Variants in ADGRE5 observed in about 807,000 individuals in gnomAD.
ADGRE5 encodes the protein CD97 molecule.
Under a neutral mutation model 100.3 loss-of-function variants are expected in ADGRE5, and 72 were observed. The observed-to-expected ratio is 0.72, with a 90% CI of 0.59 to 0.87. The LOEUF is 0.87. Among genes scored for constraint, ADGRE5 ranks in the 40% least tolerant of loss-of-function variants. The pLI, the probability that ADGRE5 is intolerant of heterozygous loss-of-function variation, is 0.00. For missense variants in ADGRE5, 959 were observed against 1,094.7 expected (o/e 0.88, Z 1.75); for synonymous variants, 439 against 447.8 (o/e 0.98, Z 0.25).
rs772418563 is a variant in ADGRE5 at position 14,404,466 on chromosome 19, G to A, written c.1533G>A (p.Glu511=). ...DSDRGGHWAT[E]GCQVLGSKNG... is the part of the protein sequence containing the mutation. ...ACAGGGGAGGGCACTGGGCCACCGA[G>A]GGCTGCCAGGTGCTGGGCAGCAAGA... The change falls in exon 13 of 20, where the codon GAG becomes GAA. Residue 511 remains glutamate (E), a synonymous_variant. Coordinates refer to ENST00000242786, the MANE Select transcript of ADGRE5 (RefSeq NM_078481.4). 6.2e-7 allele frequency: 1 copy of A among 1,612,474 alleles called. No individual in the cohort carries two copies. Among genetic ancestry groups the A allele is most frequent in the Non-Finnish European group, 8.5e-7 (1 of 1,179,692 alleles).
rs554452020 is a variant in ADGRE5 at position 14,399,651 on chromosome 19, G to A, written c.897+1512G>A. On this transcript the variant is annotated intron_variant, in intron 9 of 19. Coordinates refer to ENST00000242786, the MANE Select transcript of ADGRE5 (RefSeq NM_078481.4). ...TCAGCTACTCAGGAGGCTGAGGCAGGAGATTCACTTGAACCCGGAGGCAGA... is the reference window on the plus strand; with the variant it reads ...TCAGCTACTCAGGAGGCTGAGGCAGAAGATTCACTTGAACCCGGAGGCAGA... Among the ~76,000 whole-genome samples, 450 of 151,018 alleles carry A rather than the reference G, an allele frequency of 3.0e-3. 5 individuals carry two copies. Among genetic ancestry groups the A allele is most frequent in the African/African-American group, 0.01 (412 of 41,152 alleles).
chr19:14,406,914 A>T lies in ADGRE5; in HGVS notation c.2161A>T (p.Lys721Ter). 6.2e-7 allele frequency: 1 copy of T among 1,614,154 alleles called. No homozygotes were observed. Residue 721 changes from lysine to a stop codon, truncating the protein, a stop_gained, in exon 17 of 20, where the codon AAG (lysine) becomes TAG (stop). Coordinates refer to ENST00000242786, the MANE Select transcript of ADGRE5 (RefSeq NM_078481.4). LOFTEE classifies it high-confidence loss of function. This position sits in a 1 kb window ranked among gnomAD's most constrained non-coding sequence, Gnocchi z 6.0. ...FVTTVWKLTQKFSEINPDMKK... is the reference protein window; with the variant it reads ...FVTTVWKLTQ ...GACTACCGTCTGGAAGCTCACTCAG[A>T]AGTTTTCTGAAATCAATCCAGACAT...
chr19:14,396,999 A>G (rs1975803789), intron 5 of ADGRE5, 78 bp from the exon 6 acceptor site: 1 of 1,441,098 alleles, frequency 6.9e-7, no homozygotes, highest in African/African-American at 1.4e-5. Context: ...ATGAAAAGAT[A>G]GGGGAGTGGG....
At chr19:14,387,435 G>A (rs114698530) in intron 1 of ADGRE5, among the ~76,000 whole-genome samples, 1,960 of 152,184 alleles carry the variant, frequency 0.013, 46 homozygotes, top group African/African-American at 0.045. Context: ...ATAATTTTTT[G>A]AATTATTTTT....
chr19:14,408,017 G>T lies in ADGRE5; in HGVS notation c.2478+8G>T, dbSNP rs1976352720. ...GGCCACAATCAGACCCGGGTAAGGG[G>T]CTGCGCCTGGGGCGGGTGTGGGCAG... On this transcript the variant is annotated splice_region_variant and intron_variant, in intron 19 of 19. Coordinates refer to ENST00000242786, the MANE Select transcript of ADGRE5 (RefSeq NM_078481.4). 7 of 1,614,118 alleles carry T rather than the reference G, an allele frequency of 4.3e-6. No homozygotes were observed. The highest frequency in any genetic ancestry group is 5.9e-6 in the Non-Finnish European group (7 of 1,179,964).
intron 4 of ADGRE5, among the ~76,000 whole-genome samples, chr19:14,393,479 C>T (rs981018313): frequency 6.6e-6 from 1 of 152,198 alleles, no homozygotes; most frequent in African/African-American, 2.4e-5. Context: ...GAGGGGCTTC[C>T]AGGATTCACA....
At chr19:14,396,610 T>A in intron 5 of ADGRE5, 137 bp downstream of exon 5, 12 of 1,384,062 alleles carry the variant, frequency 8.7e-6, no homozygotes, top group Non-Finnish European at 1.2e-5. Context: ...AGCCCCTGCC[T>A]AAGGATTCAC....
intron 13 of ADGRE5, 52 bp from the exon 14 acceptor site, chr19:14,405,696 C>A: frequency 7.3e-7 from 1 of 1,373,818 alleles, no homozygotes; most frequent in African/African-American, 1.4e-5. Flanking sequence ...ACAAAGAGGG[C>A]AGGAAGGCCT....
chr19:14,387,440 AT>A lies in ADGRE5; in HGVS notation c.23-1005del, dbSNP rs1283366405. Among the ~76,000 whole-genome samples, 6 of 152,144 alleles carry A rather than the reference AT, an allele frequency of 3.9e-5. No homozygotes were observed. In the East Asian group the frequency reaches 1.2e-3, roughly 29 times the overall value. ...TGTCTGTAAAATAATTTTTTGAATT[AT>A]TTTTAGGCCGGCCACAGTGGCTCAT... is the stretch of plus-strand genomic sequence containing the variant. On this transcript the variant is annotated intron_variant, in intron 1 of 19. Transcript: ENST00000242786.
intron 13 of ADGRE5, 170 bp downstream of exon 13, chr19:14,404,732 T>G: frequency 4.9e-6 from 3 of 611,212 alleles, no homozygotes; most frequent in Non-Finnish European, 5.6e-6. Context: ...CTTTGGCCTC[T>G]TCTCTACAAC....
In ADGRE5 at chr19:14,397,773, C is replaced by A; in HGVS notation, c.741C>A (p.Ile247=). 7.5e-7 allele frequency: 1 copy of A among 1,340,832 alleles called. No homozygotes were observed. Among genetic ancestry groups the A allele is most frequent in the Non-Finnish European group, 1.0e-6 (1 of 977,978 alleles). 83.1% of individuals were successfully genotyped at this position (1,340,832 alleles called of 1,614,324 possible). The change falls in exon 7 of 20, where the codon ATC becomes ATA. Residue 247 remains isoleucine (I), a synonymous_variant. Transcript: ENST00000242786. ...CRPGWKPRHG[I]PNNQKDTVCE... ...CAGGCTGGAAGCCCAGACACGGAAT[C>A]CCGAATAACCAAAAGGACACTGTCT...
chr19:14,394,011 G>A (rs1158348769), intron 4 of ADGRE5, among the ~76,000 whole-genome samples: 1 of 152,178 alleles, frequency 6.6e-6, no homozygotes, highest in Non-Finnish European at 1.5e-5. Flanking sequence ...TGGTGATCAT[G>A]GTTTCCTCCC....
At chr19:14,388,547 G>A in intron 2 of ADGRE5, 47 bp downstream of exon 2, 1 of 1,569,332 alleles carries the variant, frequency 6.4e-7, no homozygotes, top group Non-Finnish European at 8.6e-7. Flanking sequence ...CCAGAGCCTG[G>A]GGAGGGTCCT....
rs370635077 is a variant in ADGRE5 at position 14,405,749 on chromosome 19, A to T, written c.1631A>T (p.Asp544Val). The change falls in exon 14 of 20, where the codon GAC (aspartate) becomes GTC (valine). Residue 544 changes from aspartate to valine, a missense_variant and splice_region_variant. By Grantham distance (152) the Asp-to-Val change is radical (BLOSUM62 -3). Coordinates refer to ENST00000242786, the MANE Select transcript of ADGRE5 (RefSeq NM_078481.4). ...AILMAHYDVE[D>V]WKLTLITRVG... is the part of the protein sequence containing the mutation. ...CTGAGCACCCGGTGCCACTCCTAGG[A>T]CTGGAAGCTGACCCTGATCACCAGG... The T allele has an allele frequency of 2.5e-6, 4 of 1,611,412 alleles. No homozygotes were observed. The African/African-American group carries it at 4.0e-5, about 16-fold the overall frequency.
intron 1 of ADGRE5, 66 bp downstream of exon 1, chr19:14,381,611 G>A (rs1188084781): frequency 6.5e-7 from 1 of 1,546,446 alleles, no homozygotes; most frequent in African/African-American, 1.4e-5. Context: ...GGCTGCGTCT[G>A]AGAAACGGGA....
chr19:14,403,912 T>C (rs1976113026), intron 12 of ADGRE5, among the ~76,000 whole-genome samples: 1 of 144,686 alleles, frequency 6.9e-6, no homozygotes, highest in African/African-American at 2.6e-5. Context: ...GTTTCACTCT[T>C]GTCATCCAGG....
At chr19:14,389,094 T>C (rs1261286296) in intron 3 of ADGRE5, among the ~76,000 whole-genome samples, 2 of 138,872 alleles carry the variant, frequency 1.4e-5, no homozygotes, top group East Asian at 2.1e-4. Context: ...CAGTGAGCTA[T>C]GATTGCACCA....
intron 1 of ADGRE5, among the ~76,000 whole-genome samples, chr19:14,382,083 T>C (rs554569914): frequency 6.6e-6 from 1 of 152,184 alleles, no homozygotes; most frequent in Non-Finnish European, 1.5e-5. Flanking sequence ...TTTGCCTGGT[T>C]CTGGGTTTGA....
intron 18 of ADGRE5, 131 bp from the exon 19 acceptor site, chr19:14,407,776 CA>C (rs1441787205): frequency 2.8e-6 from 2 of 719,220 alleles, no homozygotes; most frequent in East Asian, 2.7e-5. Context: ...GCCTGGGTGA[CA>C]GGGGGACCCG....
Sources: gnomAD v4.1 joint callset for allele counts (sites outside exome capture counted in the v4.1 genomes callset) on GRCh38, gnomAD v4.1.1 for gene constraint, Gnocchi (gnomAD v3.1) non-coding constraint, MANE v1.5 for transcripts, NCBI Gene and HGNC (gene_info 2026-07-23, HGNC 2026-07-21) for gene names.